Variants in ZNF695 observed in about 807,000 individuals in gnomAD.
ZNF695 encodes the protein zinc finger protein SBZF3.
In ZNF695, 11 loss-of-function variants were observed where a neutral mutation model predicts 11.2. The ratio of observed to expected loss-of-function variants is 0.98; its 90% CI spans 0.62 to 1.62. The LOEUF (loss-of-function observed/expected upper bound fraction) is 1.62. Ranked by LOEUF, ZNF695 falls within the 40% of genes most tolerant of loss-of-function variation. ZNF695 has a pLI of 0.00. For missense variants in ZNF695, 559 were observed against 590.5 expected, an observed-to-expected ratio of 0.95 and a Z score of 0.55; for synonymous variants, 190 against 201.4, an observed-to-expected ratio of 0.94 and a Z score of 0.48.
intron 5 of ZNF695, chr1:246,967,385 G>C (rs1318748723): frequency 4.4e-6 from 2 of 456,528 alleles, no homozygotes; most frequent in African/African-American, 4.0e-5. Flanking sequence ...GACAAGGGTG[G>C]GAGCAGTAGA....
At position 247,000,069 on chromosome 1, in the gene ZNF695, T is replaced by C. The variant is rs540411443; in HGVS notation, c.9A>G (p.Leu3=). MG[L]LAFRDVALEF... ...CTAGAGCCACATCCCTGAATGCCAA[T>C]AGTCCCTGAAAAAGAAAACATATTT... Residue 3 remains leucine, a synonymous_variant, in exon 2 of 4, where the codon CTA becomes CTG. Transcript: ENST00000339986. 8 of 1,602,098 alleles carry C rather than the reference T, an allele frequency of 5.0e-6. No individual in the cohort carries two copies. In the African/African-American group the frequency reaches 6.7e-5, roughly 13 times the overall value.
chr1:247,001,273 G>GA (rs1324191971), intron 1 of ZNF695, among the ~76,000 whole-genome samples: 2 of 151,802 alleles, frequency 1.3e-5, no homozygotes, highest in Non-Finnish European at 2.9e-5. Flanking sequence ...CAACAATAAT[G>GA]AAAAAAGACA....
chr1:247,003,735 T>A (rs1437251603), intron 1 of ZNF695, among the ~76,000 whole-genome samples: 2 of 152,230 alleles, frequency 1.3e-5, no homozygotes, highest in African/African-American at 4.8e-5. Flanking sequence ...TAAGATGTAA[T>A]GCTAAGACAT....
downstream of ZNF695, among the ~76,000 whole-genome samples, chr1:246,983,551 G>A (rs1209322267): frequency 6.6e-6 from 1 of 152,118 alleles, no homozygotes; most frequent in East Asian, 1.9e-4. Context: ...GGGCGCAGTG[G>A]CTCATGCCTG....
intron 3 of ZNF695, among the ~76,000 whole-genome samples, chr1:246,993,550 T>C (rs1572530542): frequency 1.3e-5 from 2 of 152,126 alleles, no homozygotes; most frequent in South Asian, 4.1e-4. Context: ...TTTATAAAGA[T>C]TGAAACAGGT....
At chr1:246,960,843 G>A (rs974076824) in intron 5 of ZNF695, among the ~76,000 whole-genome samples, 6 of 152,092 alleles carry the variant, frequency 3.9e-5, no homozygotes, top group African/African-American at 1.2e-4. Flanking sequence ...TGAGGTGGGA[G>A]GATCACCTGA....
At chr1:246,980,388 T>C (rs1198702577), downstream of ZNF695, among the ~76,000 whole-genome samples, 2 of 150,188 alleles carry the variant, frequency 1.3e-5, no homozygotes, top group Admixed American at 6.8e-5. Flanking sequence ...TAATGAAATA[T>C]GCAAACTATA....
At chr1:246,976,070 C>A (rs1382518626) in intron 4 of ZNF695, among the ~76,000 whole-genome samples, 1 of 152,172 alleles carries the variant, frequency 6.6e-6, no homozygotes, top group Non-Finnish European at 1.5e-5. Context: ...GATAGACCAT[C>A]TGCTGATACT....
intron 3 of ZNF695, among the ~76,000 whole-genome samples, chr1:246,997,716 A>G (rs1026242838): frequency 6.6e-6 from 1 of 152,234 alleles, no homozygotes; most frequent in African/African-American, 2.4e-5. Context: ...CATATACATA[A>G]TAGAGTATTA....
intron 5 of ZNF695, among the ~76,000 whole-genome samples, chr1:246,956,338 G>A (rs1418027736): frequency 3.3e-5 from 5 of 151,630 alleles, no homozygotes; most frequent in Admixed American, 1.3e-4. Context: ...CATGGGGGCC[G>A]GGCGCGGTGG....
Position 246,960,739 on chromosome 1 carries a change from C to T in ZNF695, c.488+6956G>A, listed in dbSNP as rs367973008. The stretch of plus-strand genomic sequence containing the variant: ...TGGATCCCTTGAGCCCAGGAGTTCG[C>T]GAGCAGCCTGGGCAACATGGCAAAA... On this transcript the variant is annotated intron_variant, in intron 5 of 5. Transcript: ENST00000487338. Among the ~76,000 whole-genome samples the T allele has an allele frequency of 4.6e-5, 7 of 152,048 alleles. No homozygotes were observed. The East Asian group carries it at 5.8e-4, about 13-fold the overall frequency.
intron 4 of ZNF695, chr1:246,968,461 C>G (rs1291993917): frequency 6.6e-6 from 1 of 152,354 alleles, no homozygotes; most frequent in African/African-American, 2.4e-5. Flanking sequence ...GTGTTGAGTG[C>G]CTGTGGCTTT....
intron 3 of ZNF695, among the ~76,000 whole-genome samples, chr1:246,998,822 G>T (rs1669278974): frequency 6.6e-6 from 1 of 152,088 alleles, no homozygotes; most frequent in Non-Finnish European, 1.5e-5. Flanking sequence ...AAATAAATTG[G>T]CTGGGTGTGG....
chr1:246,999,962 T>C lies in ZNF695; in HGVS notation c.116A>G (p.Asn39Ser). Residue 39 changes from asparagine to serine, a missense_variant, in exon 2 of 4, where the codon AAC becomes AGC. Transcript: ENST00000339986. Reference protein sequence around the residue: ...YRDVMLENYRNLISLGEDSFN... With the variant: ...YRDVMLENYRSLISLGEDSFN... The stretch of plus-strand genomic sequence containing the variant: ...GCTATCCTCACCAAGGGAGATCAGG[T>C]TTCTGTAGTTCTCTAACATCACATC... The C allele has an allele frequency of 6.2e-7, 1 of 1,614,102 alleles. No individual in the cohort carries two copies. The highest frequency in any genetic ancestry group is 1.1e-5 in the South Asian group (1 of 91,082).
intron 5 of ZNF695, chr1:246,967,575 G>A (rs1668320366): frequency 2.5e-6 from 1 of 406,668 alleles, no homozygotes; most frequent in Non-Finnish European, 4.9e-6. Context: ...TGCAGGGGCA[G>A]GTTTCAGGGG....
At chr1:246,972,793 C>T (rs1668460184) in intron 4 of ZNF695, among the ~76,000 whole-genome samples, 1 of 152,020 alleles carries the variant, frequency 6.6e-6, no homozygotes, top group Non-Finnish European at 1.5e-5. Context: ...GCTGGGATTG[C>T]AGGCGTGAGC....
At chr1:247,004,572 G>A (rs1312796559) in intron 1 of ZNF695, among the ~76,000 whole-genome samples, 2 of 152,140 alleles carry the variant, frequency 1.3e-5, no homozygotes, top group East Asian at 1.9e-4. Flanking sequence ...ACTTAGTACT[G>A]TAAGTCCTAA....
At chr1:246,962,725 C>T (rs1306809297) in intron 5 of ZNF695, among the ~76,000 whole-genome samples, 1 of 151,530 alleles carries the variant, frequency 6.6e-6, no homozygotes, top group Non-Finnish European at 1.5e-5. Flanking sequence ...CGGAGTCTCG[C>T]TCTGTCACCC....
intron 3 of ZNF695, among the ~76,000 whole-genome samples, chr1:246,992,703 T>A (rs894915870): frequency 9.9e-5 from 15 of 152,194 alleles, no homozygotes; most frequent in Admixed American, 4.6e-4. Flanking sequence ...TTAAATTTTT[T>A]AAAAATCCTT....
Sources: gnomAD v4.1 joint callset for allele counts (sites outside exome capture counted in the v4.1 genomes callset) on GRCh38, gnomAD v4.1.1 for gene constraint, MANE v1.5 for transcripts, NCBI Gene and HGNC (gene_info 2026-07-23, HGNC 2026-07-21) for gene names.